Variants in LINGO2 observed in about 807,000 individuals in gnomAD.
LINGO2 encodes the protein leucine rich repeat and Ig domain containing 2, also known as leucine-rich repeat and immunoglobulin-like domain-containing nogo receptor-interacting protein 2.
A neutral mutation model predicts 30.6 loss-of-function variants in LINGO2; 14 were observed. The ratio of observed to expected loss-of-function variants is 0.46; its 90% confidence interval spans 0.30 to 0.72. The LOEUF is 0.72. Ranked by LOEUF, LINGO2 falls within the 30% of genes least tolerant of loss-of-function variation. The pLI is 0.07. For missense variants in LINGO2, 729 were observed against 751.7 expected (o/e 0.97, Z 0.35); for synonymous variants, 317 against 288.5 (o/e 1.10, Z -1.00).
chr9:28,809,373 C>G, the LINGO2 span, among the ~76,000 whole-genome samples: 2 of 152,204 alleles, frequency 1.3e-5, no homozygotes, highest in Non-Finnish European at 1.5e-5. Flanking sequence ...AGACTACTGT[C>G]ATAGCCCTTG....
At chr9:28,081,608 T>C (rs1211599252) in intron 4 of LINGO2, among the ~76,000 whole-genome samples, 1 of 152,220 alleles carries the variant, frequency 6.6e-6, no homozygotes, top group African/African-American at 2.4e-5. Context: ...CGAGCTATAT[T>C]GATGGAAATC....
chr9:28,549,972 A>G (rs558445901), intron 1 of LINGO2, among the ~76,000 whole-genome samples: 1 of 152,000 alleles, frequency 6.6e-6, no homozygotes, highest in South Asian at 2.1e-4. Context: ...TATCTTCACA[A>G]CATCCTGTTG....
the LINGO2 span, among the ~76,000 whole-genome samples, chr9:28,793,636 T>C: frequency 6.6e-6 from 1 of 152,192 alleles, no homozygotes; most frequent in Admixed American, 6.5e-5. Context: ...AGAATCCTTT[T>C]ATCCATTCAT....
the LINGO2 span, among the ~76,000 whole-genome samples, chr9:28,751,472 C>T: frequency 6.6e-6 from 1 of 151,906 alleles, no homozygotes; most frequent in Non-Finnish European, 1.5e-5. Flanking sequence ...ATTTAGTCAT[C>T]TGACCCATGA....
At chr9:28,709,438 A>C in the LINGO2 span, among the ~76,000 whole-genome samples, 433 of 152,128 alleles carry the variant, frequency 2.8e-3, 1 homozygote, top group Non-Finnish European at 5.0e-3. Flanking sequence ...TAGAAAGATA[A>C]ATTTTCTTTT....
chr9:28,552,345 T>G (rs1822335046), intron 1 of LINGO2, among the ~76,000 whole-genome samples: 1 of 152,010 alleles, frequency 6.6e-6, no homozygotes, highest in Admixed American at 6.6e-5. Flanking sequence ...AGAAAATAAC[T>G]GCACGGGAGA....
At chr9:29,108,806 T>TG in the LINGO2 span, among the ~76,000 whole-genome samples, 2 of 152,166 alleles carry the variant, frequency 1.3e-5, no homozygotes, top group African/African-American at 4.8e-5. Context: ...AACACTGTGT[T>TG]GGGGGTTAGC....
intron 4 of LINGO2, among the ~76,000 whole-genome samples, chr9:28,172,221 C>T (rs1464451322): frequency 3.4e-5 from 5 of 148,628 alleles, no homozygotes; most frequent in Non-Finnish European, 7.4e-5. Flanking sequence ...GAAACCCCGT[C>T]TCTACTAAAA....
At chr9:28,963,108 T>C in the LINGO2 span, among the ~76,000 whole-genome samples, 2 of 152,078 alleles carry the variant, frequency 1.3e-5, no homozygotes, top group East Asian at 3.9e-4. Context: ...AAATTTCCAT[T>C]TTTCAATATC....
intron 5 of LINGO2, among the ~76,000 whole-genome samples, chr9:27,965,248 T>C (rs1447327618): frequency 2.0e-5 from 3 of 152,084 alleles, no homozygotes; most frequent in Non-Finnish European, 4.4e-5. Flanking sequence ...CAAGTATTTC[T>C]ATCCAGGATT....
intron 4 of LINGO2, among the ~76,000 whole-genome samples, chr9:28,032,676 C>T (rs1234499088): frequency 1.3e-5 from 2 of 152,106 alleles, no homozygotes; most frequent in African/African-American, 4.8e-5. Flanking sequence ...AACTAGTTGG[C>T]GACAGACCAG....
the LINGO2 span, among the ~76,000 whole-genome samples, chr9:28,771,452 GGTGT>G: frequency 0.055 from 6,605 of 119,916 alleles, 247 homozygotes; most frequent in Non-Finnish European, 0.072. Context: ...TTTCCTATTT[GGTGT>G]GTGTGTGTGT....
chr9:28,023,911 T>C (rs1323985796), intron 4 of LINGO2, among the ~76,000 whole-genome samples: 1 of 152,158 alleles, frequency 6.6e-6, no homozygotes, highest in Non-Finnish European at 1.5e-5. Context: ...AATCTACCAC[T>C]GAAGTTTTTC....
chr9:28,279,908 T>C (rs2134122501), intron 4 of LINGO2, among the ~76,000 whole-genome samples: 1 of 152,298 alleles, frequency 6.6e-6, no homozygotes, highest in Non-Finnish European at 1.5e-5. Context: ...GTGTTCCTTT[T>C]AGTTATTTAT....
chr9:28,186,251 A>G (rs1455304809), intron 4 of LINGO2, among the ~76,000 whole-genome samples: 2 of 152,320 alleles, frequency 1.3e-5, no homozygotes, highest in African/African-American at 4.8e-5. Context: ...GAAGAGGCTC[A>G]TATTGCATGT....
At chr9:28,885,356 T>TACACACACACACACACAC in the LINGO2 span, among the ~76,000 whole-genome samples, 33 of 132,970 alleles carry the variant, frequency 2.5e-4, 1 homozygote, top group South Asian at 9.5e-4. Flanking sequence ...GAGATATATA[T>TACACACACACACACACAC]ATATACACAC....
At chr9:28,358,884 T>C (rs999895777) in intron 3 of LINGO2, among the ~76,000 whole-genome samples, 7 of 152,178 alleles carry the variant, frequency 4.6e-5, no homozygotes, top group African/African-American at 1.7e-4. Flanking sequence ...TTATTTGGGC[T>C]GATTTGCCTG....
intron 2 of LINGO2, among the ~76,000 whole-genome samples, chr9:28,433,298 A>G (rs1284335690): frequency 6.7e-6 from 1 of 149,348 alleles, no homozygotes; most frequent in Non-Finnish European, 1.5e-5. Flanking sequence ...TCACCCCTAT[A>G]TAAAGGGAAG....
chr9:29,017,390 G>C, the LINGO2 span, among the ~76,000 whole-genome samples: 1 of 151,992 alleles, frequency 6.6e-6, no homozygotes, highest in African/African-American at 2.4e-5. Context: ...AAAGCAAAAA[G>C]AGAAAAACAA....
Sources: gnomAD v4.1 joint callset for allele counts (sites outside exome capture counted in the v4.1 genomes callset) on GRCh38, gnomAD v4.1.1 for gene constraint, MANE v1.5 for transcripts, NCBI Gene and HGNC (gene_info 2026-07-23, HGNC 2026-07-21) for gene names.